Variants in CEP112 observed in about 807,000 individuals in gnomAD.
CEP112 encodes the protein centrosomal protein 112, also known as centrosomal protein of 112 kDa.
A neutral mutation model predicts 153.0 loss-of-function variants in CEP112; 127 were observed. That is an observed-to-expected ratio of 0.83 (90% confidence interval 0.72 to 0.96). The LOEUF (loss-of-function observed/expected upper bound fraction) is 0.96, where lower values mean the gene tolerates loss of function less well. Among genes scored for constraint, CEP112 ranks in the 40% least tolerant of loss-of-function variants. The pLI is 0.00. For synonymous variants in CEP112, 358 were observed against 374.4 expected (o/e 0.96, Z 0.51); for missense variants, 1,089 against 1,101.2 (o/e 0.99, Z 0.16).
At chr17:65,982,814 G>A (rs2063275537) in intron 17 of CEP112, among the ~76,000 whole-genome samples, 1 of 152,130 alleles carries the variant, frequency 6.6e-6, no homozygotes, top group South Asian at 2.1e-4. Context: ...CAACCCAAAT[G>A]GCCATCAATA....
Position 65,799,708 on chromosome 17 carries a change from A to G in CEP112, c.2395-48984T>C, listed in dbSNP as rs560750989. Reference sequence around the variant, plus strand: ...TCTCAGCCTTGTGCCTCTTTCTGAAACAGAAAGCCACATTGACGCAAGTCA... The same window carrying G: ...TCTCAGCCTTGTGCCTCTTTCTGAAGCAGAAAGCCACATTGACGCAAGTCA... On this transcript the variant is annotated intron_variant, in intron 21 of 26. Coordinates refer to ENST00000535342, the MANE Select transcript of CEP112 (RefSeq NM_001199165.4). 2.6e-5 allele frequency among the ~76,000 whole-genome samples: 4 copies of G among 152,346 alleles called. No individual in the cohort carries two copies. The East Asian group carries it at 7.7e-4, about 29-fold the overall frequency.
chr17:66,171,453 T>C (rs1447425055), intron 4 of CEP112, among the ~76,000 whole-genome samples: 1 of 152,204 alleles, frequency 6.6e-6, no homozygotes, highest in Admixed American at 6.5e-5. Context: ...ATTATAAGCC[T>C]CTTAAACTTT....
intron 20 of CEP112, among the ~76,000 whole-genome samples, chr17:65,888,269 T>A (rs1598895736): frequency 1.3e-5 from 2 of 152,214 alleles, no homozygotes; most frequent in African/African-American, 4.8e-5. Flanking sequence ...CTCCCCCGTT[T>A]CCTTCAGGCA....
chr17:65,644,722 C>T (rs1033085737), intron 24 of CEP112: 1 of 153,480 alleles, frequency 6.5e-6, no homozygotes, highest in Non-Finnish European at 1.4e-5. Context: ...TGCTTCAATC[C>T]CACTTTCTTT....
At chr17:65,715,974 T>C (rs1255789472) in intron 23 of CEP112, among the ~76,000 whole-genome samples, 1 of 152,192 alleles carries the variant, frequency 6.6e-6, no homozygotes, top group Non-Finnish European at 1.5e-5. Flanking sequence ...AGGAAGTTGA[T>C]TACTTCTAAG....
intron 21 of CEP112, among the ~76,000 whole-genome samples, chr17:65,755,773 T>G (rs919030027): frequency 2.0e-5 from 3 of 151,904 alleles, no homozygotes; most frequent in Non-Finnish European, 2.9e-5. Context: ...ATGGGAAAAG[T>G]TACAGGTGAA....
At chr17:66,181,702 T>C (rs1378397405) in intron 2 of CEP112, among the ~76,000 whole-genome samples, 1 of 152,162 alleles carries the variant, frequency 6.6e-6, no homozygotes, top group African/African-American at 2.4e-5. Context: ...TGGTTTGATT[T>C]GAAATACATT....
intron 19 of CEP112, among the ~76,000 whole-genome samples, chr17:65,916,162 T>A (rs35057845): frequency 0.35 from 53,037 of 151,912 alleles, 10,988 homozygotes; most frequent in Non-Finnish European, 0.48. Context: ...AAAGTAGCCC[T>A]TTCACTCACA....
intron 8 of CEP112, among the ~76,000 whole-genome samples, chr17:66,077,913 T>C (rs1012566788): frequency 6.6e-6 from 1 of 152,198 alleles, no homozygotes; most frequent in African/African-American, 2.4e-5. Context: ...TTTATCTTTG[T>C]TTTTGGGGTT....
intron 22 of CEP112, among the ~76,000 whole-genome samples, chr17:65,745,710 T>C (rs1421292155): frequency 6.6e-6 from 1 of 152,158 alleles, no homozygotes; most frequent in Non-Finnish European, 1.5e-5. Flanking sequence ...CTGCGCAGTT[T>C]AACACATGTA....
At chr17:65,725,715 G>C (rs1370039128) in intron 23 of CEP112, among the ~76,000 whole-genome samples, 1 of 152,214 alleles carries the variant, frequency 6.6e-6, no homozygotes, top group African/African-American at 2.4e-5. Flanking sequence ...TCAGAATCAT[G>C]GTGGTGGCAA....
chr17:65,710,120 A>T (rs2049101817), intron 23 of CEP112, among the ~76,000 whole-genome samples: 2 of 152,216 alleles, frequency 1.3e-5, no homozygotes, highest in African/African-American at 2.4e-5. Flanking sequence ...GCACTTATAC[A>T]GTGCACCCTT....
intron 17 of CEP112, among the ~76,000 whole-genome samples, chr17:65,997,583 A>AT: frequency 6.6e-6 from 1 of 152,306 alleles, no homozygotes; most frequent in East Asian, 1.9e-4. Context: ...CATAAATACA[A>AT]TTTTTAAAAC....
At position 66,121,191 on chromosome 17, in the gene CEP112, G is replaced by A. The variant is rs7220815; in HGVS notation, c.642+8555C>T. Among the ~76,000 whole-genome samples the A allele has an allele frequency of 4.3e-3, 660 of 152,032 alleles. 8 individuals carry two copies. Among genetic ancestry groups the A allele is most frequent in the South Asian group, 0.042 (202 of 4,814 alleles). On this transcript the variant is annotated intron_variant, in intron 6 of 26. Coordinates refer to ENST00000535342, the MANE Select transcript of CEP112 (RefSeq NM_001199165.4). ...CTTGGGAGGCTGAGGCAGGAGAATC[G>A]CTTGAACCTGGGAGGCAGAAGTTGC...
intron 23 of CEP112, among the ~76,000 whole-genome samples, chr17:65,690,160 C>T (rs1472878589): frequency 7.0e-6 from 1 of 143,712 alleles, no homozygotes; most frequent in Non-Finnish European, 1.5e-5. Flanking sequence ...CACAGTGGTT[C>T]ACATCTGTGA....
At chr17:65,734,341 G>A (rs563190550) in intron 23 of CEP112, among the ~76,000 whole-genome samples, 1 of 152,166 alleles carries the variant, frequency 6.6e-6, no homozygotes, top group Non-Finnish European at 1.5e-5. Context: ...AGGGAGACTG[G>A]AGGGTGATGT....
At chr17:66,110,137 G>C (rs1433533543) in intron 6 of CEP112, among the ~76,000 whole-genome samples, 1 of 151,936 alleles carries the variant, frequency 6.6e-6, no homozygotes, top group Non-Finnish European at 1.5e-5. Flanking sequence ...TCCAGCCTGG[G>C]TGACGAGCAA....
At chr17:65,994,349 AC>A (rs2063706841) in intron 17 of CEP112, among the ~76,000 whole-genome samples, 1 of 152,106 alleles carries the variant, frequency 6.6e-6, no homozygotes, top group Non-Finnish European at 1.5e-5. Flanking sequence ...TGTTATTGAG[AC>A]AGGGTCTTGC....
rs557017821 is a variant in CEP112 at position 65,804,286 on chromosome 17, C to CTAT, written c.2394+47517_2394+47518insATA. 480 of 152,066 alleles carry CTAT rather than the reference C, an allele frequency of 3.2e-3. 3 individuals are homozygous for CTAT. The highest frequency in any genetic ancestry group is 0.011 in the African/African-American group (456 of 41,486). 9.4% of individuals were successfully genotyped at this position (152,066 alleles called of 1,614,324 possible). A position where few individuals can be genotyped will look rare whatever the true frequency, so the allele number is the denominator to read the frequency against. On this transcript the variant is annotated intron_variant, in intron 21 of 26. Transcript: ENST00000535342. Reference sequence around the variant, plus strand: ...TCTGAATTATTAAAATTAGATGAGCCGCTCATAACACTGTTTTGTATTCTA... The same window carrying CTAT: ...TCTGAATTATTAAAATTAGATGAGCCTATGCTCATAACACTGTTTTGTATTCTA...
Sources: gnomAD v4.1 joint callset for allele counts (sites outside exome capture counted in the v4.1 genomes callset) on GRCh38, gnomAD v4.1.1 for gene constraint, MANE v1.5 for transcripts, NCBI Gene and HGNC (gene_info 2026-07-23, HGNC 2026-07-21) for gene names.